Variants in BACE2 observed in about 807,000 individuals in gnomAD.
BACE2 encodes the protein 56 kDa aspartic-like protease.
BACE2 carries 17 observed loss-of-function variants against 46.2 expected under a neutral mutation model. That is an observed-to-expected ratio of 0.37 (90% confidence interval 0.25 to 0.55). BACE2 has a LOEUF of 0.55. BACE2 is among the 20% of genes least tolerant of loss of function. The pLI, the probability that BACE2 is intolerant of heterozygous loss-of-function variation, is 0.82. For missense variants in BACE2, 595 were observed against 698.1 expected, an observed-to-expected ratio of 0.85 and a Z score of 1.66; for synonymous variants, 277 against 295.9, an observed-to-expected ratio of 0.94 and a Z score of 0.66.
At chr21:41,234,292 T>C (rs1278943143) in intron 2 of BACE2, among the ~76,000 whole-genome samples, 1 of 152,240 alleles carries the variant, frequency 6.6e-6, no homozygotes, top group African/African-American at 2.4e-5. Context: ...ATTAAACTTC[T>C]TTCTCTTTAT....
At chr21:41,232,868 ATT>A (rs142089135) in intron 2 of BACE2, among the ~76,000 whole-genome samples, 36 of 137,948 alleles carry the variant, frequency 2.6e-4, no homozygotes, top group African/African-American at 5.1e-4. Flanking sequence ...ACAGACTTGA[ATT>A]TTTTTTTTTT....
chr21:41,235,426 C>A (rs1987089144), intron 2 of BACE2, among the ~76,000 whole-genome samples: 1 of 152,218 alleles, frequency 6.6e-6, no homozygotes, highest in Non-Finnish European at 1.5e-5. Context: ...ACCATCCTGG[C>A]ACATGAACCT....
intron 1 of BACE2, chr21:41,177,762 C>T (rs1260960409): frequency 6.6e-6 from 1 of 152,236 alleles, no homozygotes; most frequent in Middle Eastern, 3.2e-3. Flanking sequence ...CAAAACGGAA[C>T]AGCAACAACA....
Position 41,271,291 on chromosome 21 carries a change from A to T in BACE2, c.1304-4080A>T, listed in dbSNP as rs533821014. Among the ~76,000 whole-genome samples, 3 of 151,958 alleles carry T rather than the reference A, an allele frequency of 2.0e-5. No homozygotes were observed. The East Asian group carries it at 5.8e-4, about 29-fold the overall frequency. The stretch of plus-strand genomic sequence containing the variant: ...GTTGTGATGTTTAGGCCAGAGATCC[A>T]CAAACAACAGTCTATAGGCTGAATC... On this transcript the variant is annotated intron_variant, in intron 8 of 8. Transcript: ENST00000330333.
intron 1 of BACE2, chr21:41,182,221 T>C (rs1271167166): frequency 2.4e-5 from 4 of 167,124 alleles, no homozygotes; most frequent in Non-Finnish European, 5.9e-5. Flanking sequence ...ATATTGGTTG[T>C]GGTTGTAGTG....
intron 1 of BACE2, chr21:41,179,924 G>A (rs764340372): frequency 5.7e-5 from 21 of 370,580 alleles, no homozygotes; most frequent in Non-Finnish European, 9.3e-5. Flanking sequence ...AGCATAGCCC[G>A]GGAGGGTTCT....
chr21:41,251,484 AC>A (rs1193861123), intron 7 of BACE2, among the ~76,000 whole-genome samples: 1 of 152,204 alleles, frequency 6.6e-6, no homozygotes, highest in Non-Finnish European at 1.5e-5. Context: ...TCACCCTTAT[AC>A]ATTTTTCCTG....
chr21:41,252,747 G>A (rs1483701359), intron 7 of BACE2, among the ~76,000 whole-genome samples: 1 of 152,186 alleles, frequency 6.6e-6, no homozygotes, highest in African/African-American at 2.4e-5. Flanking sequence ...GAGATAAAGG[G>A]AATTGGACTG....
At chr21:41,263,844 C>CTA (rs1988000344) in intron 8 of BACE2, among the ~76,000 whole-genome samples, 1 of 152,182 alleles carries the variant, frequency 6.6e-6, no homozygotes, top group South Asian at 2.1e-4. Flanking sequence ...TCCCATCGTG[C>CTA]TATACCCTTT....
intron 1 of BACE2, among the ~76,000 whole-genome samples, chr21:41,207,955 G>A (rs1000815810): frequency 1.7e-4 from 26 of 152,212 alleles, no homozygotes; most frequent in South Asian, 6.2e-4. Context: ...CTGTGGCCCC[G>A]CTTACAATGG....
chr21:41,168,302 G>C lies in BACE2; in HGVS notation c.39G>C (p.Leu13=). The change falls in exon 1 of 9, where the codon CTG becomes CTC. Residue 13 remains leucine, a synonymous_variant. Transcript: ENST00000330333. The stretch of plus-strand genomic sequence containing the variant: ...CCCGGGCGCTGCTGCTGCCTCTGCT[G>C]GCCCAGTGGCTCCTGCGCGCCGCCC... The part of the protein sequence containing the change: ...ALARALLLPL[L]AQWLLRAAPE... 7.6e-7 allele frequency: 1 copy of C among 1,308,704 alleles called. No individual in the cohort carries two copies. The highest frequency in any genetic ancestry group is 3.5e-5 in the Admixed American group (1 of 28,424). The allele number at this position is 1,308,704 out of a possible 1,614,324, so 81.1% of individuals were successfully genotyped here. A position where few individuals can be genotyped will look rare whatever the true frequency, so the allele number is the denominator to read the frequency against.
At chr21:41,170,439 T>C (rs548662780) in intron 1 of BACE2, among the ~76,000 whole-genome samples, 2 of 152,292 alleles carry the variant, frequency 1.3e-5, no homozygotes, top group South Asian at 4.1e-4. Context: ...AATTTTTACA[T>C]GTGATGGGGA....
At chr21:41,243,966 C>G (rs1213613884) in intron 5 of BACE2, among the ~76,000 whole-genome samples, 2 of 152,212 alleles carry the variant, frequency 1.3e-5, no homozygotes, top group Non-Finnish European at 2.9e-5. Context: ...CCAATTCTCC[C>G]TAAAAAACGG....
intron 5 of BACE2, among the ~76,000 whole-genome samples, chr21:41,244,196 C>A (rs935519782): frequency 1.3e-5 from 2 of 152,208 alleles, no homozygotes; most frequent in African/African-American, 2.4e-5. Flanking sequence ...ATATTCTAAC[C>A]TGTTAGCACT....
chr21:41,209,161 C>G (rs564702084), intron 1 of BACE2, among the ~76,000 whole-genome samples: 2 of 152,336 alleles, frequency 1.3e-5, no homozygotes, highest in African/African-American at 4.8e-5. Context: ...CGGTCTGTGT[C>G]CAGACTAGCA....
chr21:41,237,800 CTGACACA>C, intron 3 of BACE2, 71 bp downstream of exon 3: 1 of 1,300,658 alleles, frequency 7.7e-7, no homozygotes, highest in African/African-American at 1.5e-5. Flanking sequence ...CATTAAAGGG[CTGACACA>C]TGAGTCTTGG....
chr21:41,203,263 A>G (rs1397706782), intron 1 of BACE2, among the ~76,000 whole-genome samples: 1 of 152,182 alleles, frequency 6.6e-6, no homozygotes, highest in East Asian at 1.9e-4. Context: ...TCACAAGTTC[A>G]TAATTATCAT....
At chr21:41,172,461 T>C (rs1026176669) in intron 1 of BACE2, among the ~76,000 whole-genome samples, 1 of 152,194 alleles carries the variant, frequency 6.6e-6, no homozygotes, top group Admixed American at 6.5e-5. Flanking sequence ...TGTGACTTAA[T>C]TTTCAGACAG....
At chr21:41,237,322 T>A (rs1366327438) in intron 2 of BACE2, among the ~76,000 whole-genome samples, 191 bp from the exon 3 acceptor site, 1 of 152,146 alleles carries the variant, frequency 6.6e-6, no homozygotes, top group East Asian at 1.9e-4. Context: ...GATGTGTGCC[T>A]GTATTCCCAG....
Sources: allele counts gnomAD v4.1 joint callset (sites outside exome capture counted in the v4.1 genomes callset), GRCh38; gene constraint gnomAD v4.1.1; transcripts MANE v1.5; gene names NCBI Gene and HGNC (gene_info 2026-07-23, HGNC 2026-07-21).